The following ESRRG variants were observed in gnomAD, a reference collection of about 807,000 sequenced individuals.
ESRRG encodes the protein estrogen-related receptor gamma.
Under a neutral mutation model 44.0 loss-of-function variants are expected in ESRRG, and 13 were observed. That is an observed-to-expected ratio of 0.30 (90% CI 0.19 to 0.47). ESRRG has a LOEUF of 0.47. Ranked by LOEUF, ESRRG falls within the 20% of genes least tolerant of loss-of-function variation. The pLI is 1.00. For synonymous variants in ESRRG, 215 were observed against 214.6 expected (o/e 1.00, Z -0.02); for missense variants, 395 against 580.6 (o/e 0.68, Z 3.29).
chr1:216,553,192 C>T (rs974011238), intron 5 of ESRRG, among the ~76,000 whole-genome samples: 1 of 152,146 alleles, frequency 6.6e-6, no homozygotes, highest in East Asian at 1.9e-4. Flanking sequence ...TCCCTCTCTC[C>T]CTCTGCAGCC....
intron 2 of ESRRG, among the ~76,000 whole-genome samples, chr1:216,828,231 A>C (rs2095429918): frequency 6.6e-6 from 1 of 152,180 alleles, no homozygotes; most frequent in African/African-American, 2.4e-5. Context: ...CTTAACAGTA[A>C]TTTATTGAGC....
intron 5 of ESRRG, among the ~76,000 whole-genome samples, chr1:216,540,138 C>T (rs902996611): frequency 2.6e-5 from 4 of 151,858 alleles, no homozygotes; most frequent in African/African-American, 9.7e-5. Context: ...TAGAGGTAGC[C>T]TTGTGAGCCT....
At chr1:216,582,450 CT>C (rs896902328) in intron 3 of ESRRG, among the ~76,000 whole-genome samples, 2 of 151,346 alleles carry the variant, frequency 1.3e-5, no homozygotes, top group Non-Finnish European at 3.0e-5. Flanking sequence ...CAATTCTTTT[CT>C]TTTTTTTTGA....
In ESRRG at chr1:216,882,369, G is replaced by T. The variant is rs1348566174; in HGVS notation, c.-14+57213C>A. ...AAATTCCTTGAGTGGAGAGACTAAGGATTCTGAGTGCCTTGCAAATTAACT... is the reference window on the plus strand; with the variant it reads ...AAATTCCTTGAGTGGAGAGACTAAGTATTCTGAGTGCCTTGCAAATTAACT... On this transcript the variant is annotated intron_variant, in intron 2 of 7. Transcript: ENST00000359162. 2.0e-5 allele frequency among the ~76,000 whole-genome samples: 3 copies of T among 152,130 alleles called. No homozygotes were observed. In the East Asian group the frequency reaches 5.8e-4, roughly 29 times the overall value.
At chr1:217,093,460 G>A (rs2092379097), upstream of ESRRG, among the ~76,000 whole-genome samples, 1 of 122,476 alleles carries the variant, frequency 8.2e-6, no homozygotes, top group Admixed American at 8.5e-5. Context: ...GTTAAAGGCA[G>A]CTCAGGAAAA....
At chr1:216,920,514 A>T (rs1371450580) in intron 2 of ESRRG, among the ~76,000 whole-genome samples, 1 of 152,072 alleles carries the variant, frequency 6.6e-6, no homozygotes, top group Admixed American at 6.6e-5. Flanking sequence ...GAGAATATTT[A>T]ATGACGTCTT....
chr1:216,700,827 C>T (rs1008281247), intron 1 of ESRRG, among the ~76,000 whole-genome samples: 8 of 152,162 alleles, frequency 5.3e-5, no homozygotes, highest in African/African-American at 1.4e-4. Flanking sequence ...CTTACCCTAA[C>T]ACTCTAGGCA....
At chr1:216,804,385 C>G (rs1576727739) in intron 2 of ESRRG, among the ~76,000 whole-genome samples, 1 of 152,118 alleles carries the variant, frequency 6.6e-6, no homozygotes, top group Non-Finnish European at 1.5e-5. Context: ...CGGCTAGAAT[C>G]CTAACAAAGC....
chr1:216,700,959 A>G (rs2789724), intron 1 of ESRRG, among the ~76,000 whole-genome samples: 150,971 of 152,234 alleles, frequency 0.99, 74,872 homozygotes, highest in Middle Eastern at 1. Context: ...ACACATGCAA[A>G]AGAAATAGGT....
chr1:216,651,671 A>T (rs1319088257), intron 2 of ESRRG, among the ~76,000 whole-genome samples: 1 of 152,194 alleles, frequency 6.6e-6, no homozygotes, highest in East Asian at 1.9e-4. Context: ...GTAAATGCTT[A>T]CTGATCATGG....
Position 217,097,807 on chromosome 1 carries a change from G to C in ESRRG, c.-230+39860C>G, listed in dbSNP as rs181689689. Among the ~76,000 whole-genome samples the C allele has an allele frequency of 2.3e-4, 32 of 140,624 alleles. No homozygotes were observed. The East Asian group carries it at 6.5e-3, about 29-fold the overall frequency. The allele number at this position is 140,624 out of a possible 152,430, so 92.3% of individuals were successfully genotyped here. On this transcript the variant is annotated intron_variant, in intron 1 of 8. Transcript: ENST00000366940. ...ATCAAGTTCATCGATTTGCAACCAT[G>C]ATCAATTTGTAAGTATTTCTTTTGG...
chr1:216,920,383 AGTGTGTGTGTGT>A (rs10534433), intron 2 of ESRRG, among the ~76,000 whole-genome samples: 8 of 124,114 alleles, frequency 6.4e-5, no homozygotes, highest in South Asian at 5.9e-4. Context: ...AATGTATGGG[AGTGTGTGTGTGT>A]GTGTGTGTGT....
chr1:216,981,163 G>A (rs932088842), intron 1 of ESRRG, among the ~76,000 whole-genome samples: 4 of 152,116 alleles, frequency 2.6e-5, no homozygotes, highest in Admixed American at 6.6e-5. Context: ...GAACGTTATC[G>A]AGTGGGAGTT....
chr1:217,058,995 AAAT>A (rs1218974545), intron 1 of ESRRG, among the ~76,000 whole-genome samples: 2 of 148,438 alleles, frequency 1.3e-5, no homozygotes, highest in Non-Finnish European at 3.0e-5. Context: ...ATAAGCTATA[AAAT>A]AATAAAAATA....
intron 1 of ESRRG, among the ~76,000 whole-genome samples, chr1:217,026,854 C>A (rs2081245320): frequency 6.7e-6 from 1 of 150,292 alleles, no homozygotes; most frequent in African/African-American, 2.5e-5. Context: ...GGCTGAGAAC[C>A]CCACCCCCGA....
At chr1:216,770,802 C>T (rs2152391624) in intron 2 of ESRRG, among the ~76,000 whole-genome samples, 1 of 152,122 alleles carries the variant, frequency 6.6e-6, no homozygotes, top group African/African-American at 2.4e-5. Flanking sequence ...ATAGTAGATT[C>T]ACTGTCAAGT....
rs1476679528 is a variant in ESRRG at position 216,855,350 on chromosome 1, T to C, written c.-14+84232A>G. Among the ~76,000 whole-genome samples the C allele has an allele frequency of 4.6e-5, 7 of 152,180 alleles. No individual in the cohort carries two copies. The East Asian group carries it at 1.4e-3, about 29-fold the overall frequency. On this transcript the variant is annotated intron_variant, in intron 2 of 7. Coordinates refer to the ESRRG transcript ENST00000359162. ...GTTGCTGCTGTTACTGTAGCTGACTTGAATGCTTCTTTGGTGCCAGTCACT... is the reference window on the plus strand; with the variant it reads ...GTTGCTGCTGTTACTGTAGCTGACTCGAATGCTTCTTTGGTGCCAGTCACT...
intron 2 of ESRRG, among the ~76,000 whole-genome samples, chr1:216,807,853 TGGTGCCAAGTATA>T (rs2094846244): frequency 2.0e-5 from 3 of 152,206 alleles, no homozygotes; most frequent in African/African-American, 4.8e-5. Context: ...AGTGCTTTCT[TGGTGCCAAGTATA>T]GTACTAGTCC....
chr1:216,789,171 T>C (rs2094229536), intron 2 of ESRRG, among the ~76,000 whole-genome samples: 1 of 152,102 alleles, frequency 6.6e-6, no homozygotes, highest in Non-Finnish European at 1.5e-5. Context: ...GTGGGTAAAA[T>C]GCTATCAAGA....
Sources: allele counts gnomAD v4.1 joint callset (sites outside exome capture counted in the v4.1 genomes callset), GRCh38; gene constraint gnomAD v4.1.1; transcripts MANE v1.5; gene names NCBI Gene and HGNC (gene_info 2026-07-23, HGNC 2026-07-21).